Variants in DPP10 observed in about 807,000 individuals in gnomAD.
The protein encoded by DPP10 is inactive dipeptidyl peptidase 10.
A neutral mutation model predicts 120.9 loss-of-function variants in DPP10; 33 were observed. That is an observed-to-expected ratio of 0.27 (90% CI 0.21 to 0.37). The LOEUF (loss-of-function observed/expected upper bound fraction) is 0.37. Among genes scored for constraint, DPP10 ranks in the 10% least tolerant of loss-of-function variants. The probability of loss-of-function intolerance (pLI) is 1.00; values close to 1 mark genes in which losing one functional copy is unlikely to be tolerated. For synonymous variants in DPP10, 337 were observed against 326.1 expected, an observed-to-expected ratio of 1.03 and a Z score of -0.36; for missense variants, 816 against 942.8, an observed-to-expected ratio of 0.87 and a Z score of 1.76.
intron 1 of DPP10, among the ~76,000 whole-genome samples, chr2:115,164,692 C>T (rs2052699431): frequency 6.6e-6 from 1 of 152,138 alleles, no homozygotes; most frequent in Non-Finnish European, 1.5e-5. Context: ...GACCATAATC[C>T]TTCCTGTAAC....
chr2:114,903,199 A>G (rs937281146), intron 1 of DPP10, among the ~76,000 whole-genome samples: 3 of 152,098 alleles, frequency 2.0e-5, no homozygotes, highest in Non-Finnish European at 4.4e-5. Flanking sequence ...CCATTTACCT[A>G]CTGAAGGGCA....
At chr2:114,600,426 A>T (rs759493191) in intron 1 of DPP10, among the ~76,000 whole-genome samples, 1 of 151,808 alleles carries the variant, frequency 6.6e-6, no homozygotes. Flanking sequence ...TCGTTCACTC[A>T]TTATAATATC....
chr2:114,776,736 A>T (rs1452846000), intron 1 of DPP10, among the ~76,000 whole-genome samples: 1 of 152,174 alleles, frequency 6.6e-6, no homozygotes, highest in Non-Finnish European at 1.5e-5. Flanking sequence ...TCACATATTC[A>T]AGTTGTAGTG....
At chr2:115,509,602 G>A (rs899248186) in intron 4 of DPP10, among the ~76,000 whole-genome samples, 2 of 152,122 alleles carry the variant, frequency 1.3e-5, no homozygotes, top group African/African-American at 2.4e-5. Context: ...CTAGGTGGAG[G>A]TTACAGTGAG....
At chr2:114,997,777 G>T (rs1436699045) in intron 1 of DPP10, among the ~76,000 whole-genome samples, 1 of 152,184 alleles carries the variant, frequency 6.6e-6, no homozygotes, top group Non-Finnish European at 1.5e-5. Flanking sequence ...TATACTGGCT[G>T]AGTGTCCTTT....
chr2:115,533,319 G>A (rs550536014), intron 5 of DPP10, among the ~76,000 whole-genome samples: 24 of 152,042 alleles, frequency 1.6e-4, no homozygotes, highest in African/African-American at 2.7e-4. Context: ...CAAATCAACC[G>A]TAGCTGGGCT....
intron 1 of DPP10, among the ~76,000 whole-genome samples, chr2:114,750,732 A>G (rs917733187): frequency 4.0e-5 from 6 of 151,404 alleles, no homozygotes; most frequent in African/African-American, 1.5e-4. Context: ...AAATTAGTCC[A>G]TGCTGGCTGG....
intron 1 of DPP10, among the ~76,000 whole-genome samples, chr2:114,753,736 C>G (rs1222716381): frequency 6.6e-6 from 1 of 151,482 alleles, no homozygotes; most frequent in East Asian, 1.9e-4. Context: ...GGTGAAACCC[C>G]ATCTATACTT....
At chr2:114,550,245 G>A (rs938298725) in intron 1 of DPP10, among the ~76,000 whole-genome samples, 1 of 152,190 alleles carries the variant, frequency 6.6e-6, no homozygotes, top group African/African-American at 2.4e-5. Context: ...TCCCAAGGGT[G>A]TGAGCATAGG....
intron 1 of DPP10, among the ~76,000 whole-genome samples, chr2:115,229,734 T>C (rs1281503154): frequency 6.6e-6 from 1 of 151,792 alleles, no homozygotes; most frequent in South Asian, 2.1e-4. Flanking sequence ...TCTATTCTAT[T>C]CTATTCTATT....
chr2:114,985,373 A>G (rs1469740774), intron 1 of DPP10, among the ~76,000 whole-genome samples: 2 of 152,088 alleles, frequency 1.3e-5, no homozygotes, highest in African/African-American at 2.4e-5. Flanking sequence ...TCACATCACC[A>G]TATTTATTTT....
chr2:115,379,831 A>C (rs972258061), intron 3 of DPP10, among the ~76,000 whole-genome samples: 3 of 152,156 alleles, frequency 2.0e-5, no homozygotes, highest in African/African-American at 7.2e-5. Context: ...ATTCAGGAGC[A>C]GGTTCTTCAG....
intron 5 of DPP10, among the ~76,000 whole-genome samples, chr2:115,585,189 T>A (rs575515136): frequency 1.2e-4 from 19 of 152,302 alleles, no homozygotes; most frequent in African/African-American, 4.1e-4. Flanking sequence ...TCAGGGATAT[T>A]TTCTGAGTCC....
chr2:114,605,645 G>A (rs1015175988), intron 1 of DPP10, among the ~76,000 whole-genome samples: 8 of 152,006 alleles, frequency 5.3e-5, no homozygotes, highest in Admixed American at 1.3e-4. Context: ...GAATGCACAG[G>A]GTTTTAGTGC....
rs1161746814 is a variant in DPP10 at position 115,739,725 on chromosome 2, C to T, written c.698-14C>T. On this transcript the variant is annotated splice_polypyrimidine_tract_variant and intron_variant, in intron 8 of 25. Coordinates refer to ENST00000410059, the MANE Select transcript of DPP10 (RefSeq NM_020868.6). ...TCTCTACAGTTGGTCTCAAATAACA[C>T]TCATTTATTCTAGAGGAACTCCTGC... 2 of 1,611,876 alleles carry T rather than the reference C, an allele frequency of 1.2e-6. No individual in the cohort carries two copies. Among genetic ancestry groups the T allele is most frequent in the Non-Finnish European group, 1.7e-6 (2 of 1,178,580 alleles).
intron 1 of DPP10, among the ~76,000 whole-genome samples, chr2:115,206,881 C>A (rs13397963): frequency 0.12 from 17,599 of 152,188 alleles, 1,468 homozygotes; most frequent in African/African-American, 0.24. Flanking sequence ...TAACTTCAGC[C>A]ATGCTGAGGG....
chr2:114,832,486 G>A (rs1023773157), intron 1 of DPP10, among the ~76,000 whole-genome samples: 1 of 152,172 alleles, frequency 6.6e-6, no homozygotes, highest in Non-Finnish European at 1.5e-5. Flanking sequence ...AGTGAGCCGA[G>A]ATCGCACCAC....
At chr2:115,350,387 C>T (rs1559467705) in intron 3 of DPP10, among the ~76,000 whole-genome samples, 1 of 151,888 alleles carries the variant, frequency 6.6e-6, no homozygotes, top group Non-Finnish European at 1.5e-5. Flanking sequence ...TTTTCCCTTT[C>T]TGTCTATATT....
At chr2:115,206,494 A>C (rs2105325580) in intron 1 of DPP10, among the ~76,000 whole-genome samples, 1 of 152,322 alleles carries the variant, frequency 6.6e-6, no homozygotes, top group South Asian at 2.1e-4. Context: ...ATTTTGCTTA[A>C]AGCAATTTTC....
Sources: gnomAD v4.1 joint callset for allele counts (sites outside exome capture counted in the v4.1 genomes callset) on GRCh38, gnomAD v4.1.1 for gene constraint, MANE v1.5 for transcripts, NCBI Gene and HGNC (gene_info 2026-07-23, HGNC 2026-07-21) for gene names.